Variants in LPAR3 observed in about 807,000 individuals in gnomAD.
The protein encoded by LPAR3 is lysophosphatidic acid receptor 3, also known as LPA receptor 3.
In LPAR3, 7 loss-of-function variants were observed where a neutral mutation model predicts 17.8. The ratio of observed to expected loss-of-function variants is 0.39; its 90% CI spans 0.22 to 0.74. LPAR3 has a LOEUF of 0.74. Ranked by LOEUF, LPAR3 falls within the 30% of genes least tolerant of loss-of-function variation. The pLI is 0.40. For synonymous variants in LPAR3, 179 were observed against 179.9 expected, an observed-to-expected ratio of 0.99 and a Z score of 0.04; for missense variants, 391 against 453.4, an observed-to-expected ratio of 0.86 and a Z score of 1.25.
At chr1:84,876,327 C>A (rs576900016) in intron 1 of LPAR3, among the ~76,000 whole-genome samples, 42 of 152,118 alleles carry the variant, frequency 2.8e-4, no homozygotes, top group Non-Finnish European at 5.3e-4. Context: ...CCCTCCCTAC[C>A]CTGTATCCTA....
At chr1:84,836,491 A>G (rs1440806539) in intron 2 of LPAR3, among the ~76,000 whole-genome samples, 2 of 152,222 alleles carry the variant, frequency 1.3e-5, no homozygotes, top group East Asian at 3.8e-4. Context: ...ATGTGGTTAG[A>G]AAATGAAATT....
intron 2 of LPAR3, among the ~76,000 whole-genome samples, chr1:84,856,460 A>T (rs1046219302): frequency 6.6e-6 from 1 of 152,256 alleles, no homozygotes; most frequent in African/African-American, 2.4e-5. Context: ...CATTGAAAGC[A>T]GGCTTCTGTG....
intron 2 of LPAR3, among the ~76,000 whole-genome samples, chr1:84,829,573 G>A (rs1659242430): frequency 6.6e-6 from 1 of 151,878 alleles, no homozygotes; most frequent in South Asian, 2.1e-4. Flanking sequence ...AATGTCACTT[G>A]GTAATAATGA....
chr1:84,856,065 G>A (rs912217261), intron 2 of LPAR3, among the ~76,000 whole-genome samples: 4 of 152,324 alleles, frequency 2.6e-5, no homozygotes, highest in African/African-American at 9.6e-5. Context: ...CAGCGTAGGG[G>A]CAGCAACTGA....
intron 1 of LPAR3, among the ~76,000 whole-genome samples, chr1:84,886,736 A>G (rs1053457754): frequency 1.3e-5 from 2 of 152,182 alleles, no homozygotes; most frequent in Non-Finnish European, 2.9e-5. Flanking sequence ...TATAAATAAG[A>G]CAAAAGTACC....
chr1:84,888,766 G>A lies in LPAR3; in HGVS notation c.-19+4250C>T, dbSNP rs370707553. On this transcript the variant is annotated intron_variant, in intron 1 of 2. Transcript: ENST00000370611. ...GCCCTCCAACCCAGCCCTGCCACCT[G>A]CCAAGCCATCCCTTGATAACTGGTC... Among the ~76,000 whole-genome samples, 36 of 152,316 alleles carry A rather than the reference G, an allele frequency of 2.4e-4. No homozygotes were observed. In the East Asian group the frequency reaches 4.6e-3, roughly 20 times the overall value.
Position 84,811,949 on chromosome 1 carries a change from T to C in LPAR3, c.*1897A>G, listed in dbSNP as rs543642145. 6 of 152,350 alleles carry C rather than the reference T, an allele frequency of 3.9e-5. No homozygotes were observed. The highest frequency in any genetic ancestry group is 1.4e-4 in the African/African-American group (6 of 41,584). 9.4% of individuals were successfully genotyped at this position (152,350 alleles called of 1,614,324 possible). On this transcript the variant is annotated 3_prime_UTR_variant, in exon 3 of 3. Coordinates refer to ENST00000370611, the MANE Select transcript of LPAR3 (RefSeq NM_012152.3). ...TGTATGAAACATCATTTTTTCTTTCTTAACTACTTGTCTTTCATGTTGCCT... is the reference window on the plus strand; with the variant it reads ...TGTATGAAACATCATTTTTTCTTTCCTAACTACTTGTCTTTCATGTTGCCT...
intron 2 of LPAR3, among the ~76,000 whole-genome samples, chr1:84,815,585 G>A (rs1463535710): frequency 6.6e-6 from 1 of 152,194 alleles, no homozygotes; most frequent in Non-Finnish European, 1.5e-5. Context: ...AGGCAGGGAA[G>A]AGCCACGAAC....
intron 1 of LPAR3, among the ~76,000 whole-genome samples, chr1:84,890,862 G>A (rs1379515382): frequency 6.6e-6 from 1 of 152,202 alleles, no homozygotes; most frequent in Non-Finnish European, 1.5e-5. Context: ...AGAAACTTGG[G>A]GGAGAAGCAG....
intron 2 of LPAR3, among the ~76,000 whole-genome samples, chr1:84,847,579 A>C (rs1307489704): frequency 6.6e-6 from 1 of 152,162 alleles, no homozygotes; most frequent in Non-Finnish European, 1.5e-5. Context: ...AGGGAATCTG[A>C]AGACCCCCCT....
rs1659634059 is a variant in LPAR3, at chr1:84,848,432, C to A, written c.736+16953G>T. ...CAGAGCCTCCCTGAGCCAGGAGGCC[C>A]TGTGTGATCCCTTGTCATGCAGAGG... On this transcript the variant is annotated intron_variant, in intron 2 of 2. Coordinates refer to ENST00000370611, the MANE Select transcript of LPAR3 (RefSeq NM_012152.3). 2.6e-5 allele frequency among the ~76,000 whole-genome samples: 4 copies of A among 152,306 alleles called. No individual in the cohort carries two copies. The South Asian group carries it at 8.3e-4, about 32-fold the overall frequency.
chr1:84,864,697 T>C (rs12098196), intron 2 of LPAR3, among the ~76,000 whole-genome samples: 72,748 of 151,688 alleles, frequency 0.48, 17,658 homozygotes, highest in Middle Eastern at 0.56. Context: ...GCAGGAGAAT[T>C]GCTTGAACTC....
intron 1 of LPAR3, among the ~76,000 whole-genome samples, chr1:84,870,943 C>T (rs1027722495): frequency 2.6e-5 from 4 of 152,170 alleles, no homozygotes; most frequent in African/African-American, 9.7e-5. Flanking sequence ...AAGACTGCCC[C>T]ATGCTATAAA....
intron 2 of LPAR3, among the ~76,000 whole-genome samples, chr1:84,862,068 A>C (rs1015492662): frequency 1.3e-5 from 2 of 152,194 alleles, no homozygotes; most frequent in Non-Finnish European, 2.9e-5. Flanking sequence ...TAATATGATG[A>C]GAAAAGAAAG....
At chr1:84,822,267 T>G (rs1045622762) in intron 2 of LPAR3, among the ~76,000 whole-genome samples, 1 of 152,178 alleles carries the variant, frequency 6.6e-6, no homozygotes, top group Non-Finnish European at 1.5e-5. Context: ...AATAGTTCAA[T>G]TAGACTATAA....
intron 1 of LPAR3, among the ~76,000 whole-genome samples, chr1:84,882,605 G>C (rs6691625): frequency 0.041 from 6,290 of 152,266 alleles, 203 homozygotes; most frequent in East Asian, 0.14. Flanking sequence ...AGCTATGTAT[G>C]GTAGTATGGT....
intron 1 of LPAR3, among the ~76,000 whole-genome samples, chr1:84,872,949 T>C (rs974258870): frequency 1.3e-5 from 2 of 152,162 alleles, no homozygotes; most frequent in African/African-American, 2.4e-5. Flanking sequence ...ACTGTGATCT[T>C]CCTCCCAAAA....
In LPAR3 at chr1:84,863,489, GGTTT is replaced by G. The variant is rs558575395; in HGVS notation, c.736+1892_736+1895del. Among the ~76,000 whole-genome samples the G allele has an allele frequency of 5.9e-5, 9 of 152,184 alleles. No homozygotes were observed. The South Asian group carries it at 1.7e-3, about 28-fold the overall frequency. On this transcript the variant is annotated intron_variant, in intron 2 of 2. Coordinates refer to ENST00000370611, the MANE Select transcript of LPAR3 (RefSeq NM_012152.3). Reference sequence around the variant, plus strand: ...TCTTCTAGTTCCCCAGAGTCTCCTGGGTTTTCCATCCCTTCTAGGGCTCCTTTGC... The same window carrying G: ...TCTTCTAGTTCCCCAGAGTCTCCTGGTCCATCCCTTCTAGGGCTCCTTTGC...
chr1:84,836,311 C>T, intron 2 of LPAR3, among the ~76,000 whole-genome samples: 1 of 140,388 alleles, frequency 7.1e-6, no homozygotes, highest in South Asian at 2.3e-4. Flanking sequence ...GCACTCCAGC[C>T]TGGGCGATAC....
Sources: gnomAD v4.1 joint callset for allele counts (sites outside exome capture counted in the v4.1 genomes callset) on GRCh38, gnomAD v4.1.1 for gene constraint, MANE v1.5 for transcripts, NCBI Gene and HGNC (gene_info 2026-07-23, HGNC 2026-07-21) for gene names.